The following MINDY4 variants were observed in gnomAD, a reference collection of about 807,000 sequenced individuals.
MINDY4 encodes probable ubiquitin carboxyl-terminal hydrolase MINDY-4.
A neutral mutation model predicts 87.0 loss-of-function variants in MINDY4; 68 were observed. That is an observed-to-expected ratio of 0.78 (90% CI 0.64 to 0.96). MINDY4 has a LOEUF of 0.96. MINDY4 is among the 40% of genes least tolerant of loss of function. The probability of loss-of-function intolerance (pLI) is 0.00; values close to 1 mark genes in which losing one functional copy is unlikely to be tolerated. For synonymous variants in MINDY4, 379 were observed against 363.2 expected, an observed-to-expected ratio of 1.04 and a Z score of -0.50; for missense variants, 919 against 928.2, an observed-to-expected ratio of 0.99 and a Z score of 0.13.
chr7:30,828,951 G>A (rs1788606108), intron 6 of MINDY4, among the ~76,000 whole-genome samples: 1 of 116,932 alleles, frequency 8.6e-6, no homozygotes, highest in South Asian at 2.7e-4. Flanking sequence ...AAGAAGACCA[G>A]TCATTTCTGG....
chr7:30,771,788 G>T (rs117811041), intron 1 of MINDY4, among the ~76,000 whole-genome samples: 3,773 of 152,340 alleles, frequency 0.025, 109 homozygotes, highest in East Asian at 0.15. Context: ...TTTGGACCCC[G>T]TCCGCTGCCC....
At chr7:30,884,879 C>T (rs777428176) in intron 17 of MINDY4, among the ~76,000 whole-genome samples, 4 of 152,172 alleles carry the variant, frequency 2.6e-5, no homozygotes, top group Non-Finnish European at 4.4e-5. Flanking sequence ...TGTGTGGACA[C>T]GGGCCTGAAC....
At chr7:30,808,690 A>G (rs1044149918) in intron 5 of MINDY4, among the ~76,000 whole-genome samples, 3 of 152,194 alleles carry the variant, frequency 2.0e-5, no homozygotes, top group African/African-American at 7.2e-5. Context: ...TTTGGCCATC[A>G]GAAGGAAGCC....
chr7:30,829,001 G>T (rs1788609887), intron 6 of MINDY4, among the ~76,000 whole-genome samples: 1 of 152,110 alleles, frequency 6.6e-6, no homozygotes. Context: ...TCTGCTTTTG[G>T]TATTTTTTTA....
At chr7:30,889,876 T>C (rs1469616618) in intron 17 of MINDY4, among the ~76,000 whole-genome samples, 1 of 152,218 alleles carries the variant, frequency 6.6e-6, no homozygotes, top group Non-Finnish European at 1.5e-5. Flanking sequence ...GTTCTTTCAG[T>C]ATTTATTCTT....
intron 5 of MINDY4, among the ~76,000 whole-genome samples, chr7:30,806,981 G>A (rs1480654370): frequency 1.3e-5 from 2 of 152,254 alleles, no homozygotes; most frequent in African/African-American, 4.8e-5. Context: ...TCTAAGAGAG[G>A]ACAGTGGCAT....
chr7:30,802,439 A>G (rs1383788320), intron 5 of MINDY4, among the ~76,000 whole-genome samples: 2 of 152,072 alleles, frequency 1.3e-5, no homozygotes, highest in Admixed American at 6.6e-5. Flanking sequence ...AGTATCTTGG[A>G]CAACCCTCAG....
chr7:30,788,043 C>G (rs754396293), intron 4 of MINDY4, among the ~76,000 whole-genome samples: 1 of 152,172 alleles, frequency 6.6e-6, no homozygotes, highest in Non-Finnish European at 1.5e-5. Flanking sequence ...AAATTAGTGA[C>G]ATGAGTAGCA....
rs370142157 is a variant in MINDY4, at chr7:30,867,729, T to C, written c.1746-4514T>C. Among the ~76,000 whole-genome samples, 163 of 152,238 alleles carry C rather than the reference T, an allele frequency of 1.1e-3. 1 individual carries two copies. Among genetic ancestry groups the C allele is most frequent in the African/African-American group, 3.2e-3 (132 of 41,542 alleles). ...GGGGGAAGTGTGGTCAAGGGTCAGT[T>C]TCTGAGAGTGGCAAGCAGGAGCTGG... On this transcript the variant is annotated intron_variant, in intron 13 of 17. Coordinates refer to ENST00000265299, the MANE Select transcript of MINDY4 (RefSeq NM_032222.3).
At chr7:30,866,260 C>A (rs10247175) in intron 13 of MINDY4, among the ~76,000 whole-genome samples, 33,652 of 152,206 alleles carry the variant, frequency 0.22, 5,082 homozygotes, top group African/African-American at 0.42. Flanking sequence ...CATGTTCATG[C>A]AGGGCCAGGT....
At chr7:30,773,065 G>A (rs1358567915) in intron 1 of MINDY4, among the ~76,000 whole-genome samples, 1 of 152,178 alleles carries the variant, frequency 6.6e-6, no homozygotes, top group Admixed American at 6.5e-5. Context: ...AAGGCCCTAA[G>A]AGTAGAAAGG....
intron 5 of MINDY4, among the ~76,000 whole-genome samples, chr7:30,799,005 A>G (rs951004970): frequency 2.0e-5 from 3 of 152,124 alleles, no homozygotes; most frequent in African/African-American, 7.2e-5. Flanking sequence ...CTAGAGCCCA[A>G]GTTAGTAGGG....
chr7:30,891,671 G>A (rs1790795404), intron 17 of MINDY4, among the ~76,000 whole-genome samples: 1 of 152,148 alleles, frequency 6.6e-6, no homozygotes, highest in South Asian at 2.1e-4. Context: ...GGGCCTCAGT[G>A]GAGGGCCCAG....
chr7:30,822,127 C>T (rs1788351248), intron 5 of MINDY4, among the ~76,000 whole-genome samples: 1 of 151,962 alleles, frequency 6.6e-6, no homozygotes, highest in South Asian at 2.1e-4. Context: ...AGGGCAAGAA[C>T]ATTTTCCTCC....
chr7:30,777,500 T>C (rs571966907), intron 1 of MINDY4, among the ~76,000 whole-genome samples: 73 of 152,328 alleles, frequency 4.8e-4, no homozygotes, highest in Non-Finnish European at 9.0e-4. Context: ...TTTCCTCTGT[T>C]TGTTTCAAGA....
At chr7:30,839,990 G>A (rs948070803) in intron 8 of MINDY4, among the ~76,000 whole-genome samples, 2 of 152,030 alleles carry the variant, frequency 1.3e-5, no homozygotes, top group African/African-American at 2.4e-5. Context: ...AACCTCCCCT[G>A]CCCCACACTG....
Position 30,771,435 on chromosome 7 carries a change from C to G in MINDY4, c.-59C>G. The G allele has an allele frequency of 6.4e-7, 1 of 1,552,858 alleles. No homozygotes were observed. Among genetic ancestry groups the G allele is most frequent in the Non-Finnish European group, 8.7e-7 (1 of 1,143,614 alleles). On this transcript the variant is annotated 5_prime_UTR_variant, in exon 1 of 18. Transcript: ENST00000265299. The stretch of plus-strand genomic sequence containing the variant: ...CGCGGCCATACTGCGCCGGACAGAC[C>G]CAGTTGCCTGGTGCTGCGGCCCGGC...
intron 6 of MINDY4, among the ~76,000 whole-genome samples, chr7:30,831,836 A>G (rs1000142277): frequency 6.6e-6 from 1 of 152,216 alleles, no homozygotes; most frequent in Admixed American, 6.5e-5. Flanking sequence ...ACATACGTAC[A>G]TGTATCCTAC....
chr7:30,873,010 G>A (rs147190507), intron 14 of MINDY4, among the ~76,000 whole-genome samples: 23 of 152,340 alleles, frequency 1.5e-4, no homozygotes, highest in African/African-American at 5.1e-4. Flanking sequence ...TAGCATGGAC[G>A]GGCTGGACAG....
Sources: gnomAD v4.1 joint callset for allele counts (sites outside exome capture counted in the v4.1 genomes callset) on GRCh38, gnomAD v4.1.1 for gene constraint, MANE v1.5 for transcripts, NCBI Gene and HGNC (gene_info 2026-07-23, HGNC 2026-07-21) for gene names.